CEP290: variants seen among roughly 807,000 people sequenced by gnomAD.
CEP290 encodes centrosomal protein of 290 kDa.
Under a neutral mutation model 344.9 loss-of-function variants are expected in CEP290, and 317 were observed. That is an observed-to-expected ratio of 0.92 (90% CI 0.84 to 1.01). The LOEUF (loss-of-function observed/expected upper bound fraction) is 1.01, where lower values mean the gene tolerates loss of function less well. Among genes scored for constraint, CEP290 ranks in the 50% least tolerant of loss-of-function variants. The probability of loss-of-function intolerance (pLI) is 0.00; values close to 1 mark genes in which losing one functional copy is unlikely to be tolerated. For synonymous variants in CEP290, 932 were observed against 895.8 expected (o/e 1.04, Z -0.72); for missense variants, 2,754 against 2,761.4 (o/e 1.00, Z 0.06).
Position 88,089,619 on chromosome 12 carries a change from C to T in CEP290, c.3574-132G>A, listed in dbSNP as rs918744866. On this transcript the variant is annotated intron_variant, in intron 30 of 53. Coordinates refer to ENST00000552810, the MANE Select transcript of CEP290 (RefSeq NM_025114.4). ...GCACATGAGATCTACAAAAATGTAA[C>T]TTTGCTTTAATACAAATAATTACCA... is the stretch of plus-strand genomic sequence containing the variant. 2.5e-4 allele frequency: 142 copies of T among 577,952 alleles called. 1 individual carries two copies. The East Asian group carries it at 4.3e-3, about 18-fold the overall frequency. The allele number at this position is 577,952 out of a possible 1,614,324, so 35.8% of individuals were successfully genotyped here. A position where few individuals can be genotyped will look rare whatever the true frequency, so the allele number is the denominator to read the frequency against.
chr12:88,129,717 CTTTT>C lies in CEP290; in HGVS notation c.825_828del (p.Glu277ThrfsTer15). On this transcript the variant is annotated frameshift_variant, in exon 10 of 54. Transcript: ENST00000552810. LOFTEE classifies it high-confidence loss of function. ...ACTTGAAGTTGATAATGATCGTTTT[CTTTT>C]TTTAACTGATCTATTACATTATCTG... 6.9e-7 allele frequency: 1 copy of C among 1,449,252 alleles called. No individual in the cohort carries two copies. Among genetic ancestry groups the C allele is most frequent in the African/African-American group, 1.5e-5 (1 of 68,126 alleles). The allele number at this position is 1,449,252 out of a possible 1,614,324, so 89.8% of individuals were successfully genotyped here. A position where few individuals can be genotyped will look rare whatever the true frequency, so the allele number is the denominator to read the frequency against.
intron 18 of CEP290, chr12:88,116,046 C>T: frequency 1.0e-6 from 1 of 985,298 alleles, no homozygotes; most frequent in Non-Finnish European, 1.2e-6. Context: ...AATTTGTTGA[C>T]AAAATATTGC....
chr12:88,088,212 GA>G (rs1480967959), intron 31 of CEP290, among the ~76,000 whole-genome samples: 1 of 152,018 alleles, frequency 6.6e-6, no homozygotes, highest in African/African-American at 2.4e-5. Flanking sequence ...TACGTTTATT[GA>G]ACACTGACTA....
intron 12 of CEP290, 70 bp from the exon 13 acceptor site, chr12:88,125,439 C>A: frequency 2.5e-6 from 2 of 794,158 alleles, no homozygotes; most frequent in Non-Finnish European, 3.4e-6. Context: ...GAAAAAAGTA[C>A]GTCTGATTTT....
intron 22 of CEP290, 21 bp from the exon 23 acceptor site, chr12:88,109,202 A>C (rs752878348): frequency 2.6e-6 from 2 of 780,144 alleles, no homozygotes; most frequent in East Asian, 6.1e-5. Flanking sequence ...GTTTAGAAAT[A>C]AGAATGCAAA....
At position 88,129,035 on chromosome 12, in the gene CEP290, C is replaced by A; in HGVS notation, c.853G>T (p.Val285Leu). 1.4e-6 allele frequency: 2 copies of A among 1,403,546 alleles called. No individual in the cohort carries two copies. The highest frequency in any genetic ancestry group is 9.2e-7 in the Non-Finnish European group (1 of 1,084,200). The allele number at this position is 1,403,546 out of a possible 1,614,324, so 86.9% of individuals were successfully genotyped here. A position where few individuals can be genotyped will look rare whatever the true frequency, so the allele number is the denominator to read the frequency against. ...TTCAGAAGATCTGTAAGCTCCTGCACCTAAAAGACAAAGTTATTTCAAGAG... is the reference window on the plus strand; with the variant it reads ...TTCAGAAGATCTGTAAGCTCCTGCAACTAAAAGACAAAGTTATTTCAAGAG... ...KKENDHYQLQ[V>L]QELTDLLKSK... Residue 285 changes from valine (V) to leucine (L), a missense_variant and splice_region_variant, in exon 11 of 54, where the codon GTG becomes TTG. Coordinates refer to ENST00000552810, the MANE Select transcript of CEP290 (RefSeq NM_025114.4).
rs2037143477 is a variant in CEP290 at position 88,092,725 on chromosome 12, T to C, written c.3417A>G (p.Leu1139=). ...GTTCCATTTCATTCTTCTCTAATTC[T>C]AGAATCCGTTGCCTATCAGCATCAC... is the stretch of plus-strand genomic sequence containing the variant. ...AVSDADRQRI[L]ELEKNEMELK... is the part of the protein sequence containing the mutation. The change falls in exon 29 of 54, where the codon CTA becomes CTG. Residue 1139 remains leucine (L), a synonymous_variant. Transcript: ENST00000552810. The C allele has an allele frequency of 6.2e-7, 1 of 1,610,790 alleles. No homozygotes were observed. The highest frequency in any genetic ancestry group is 1.7e-5 in the Admixed American group (1 of 59,502).
At chr12:88,052,355 G>A (rs1592715795) in intron 52 of CEP290, among the ~76,000 whole-genome samples, 1 of 152,068 alleles carries the variant, frequency 6.6e-6, no homozygotes, top group South Asian at 2.1e-4. Flanking sequence ...TAAATGGTTC[G>A]ATGTGCTTAT....
chr12:88,067,921 G>A (rs2136899548), intron 44 of CEP290, among the ~76,000 whole-genome samples: 1 of 152,152 alleles, frequency 6.6e-6, no homozygotes, highest in East Asian at 1.9e-4. Flanking sequence ...TTTTAATTCT[G>A]ACTGTTGCCA....
chr12:88,119,842 A>G (rs948142625), intron 15 of CEP290, among the ~76,000 whole-genome samples: 2 of 152,088 alleles, frequency 1.3e-5, no homozygotes, highest in African/African-American at 4.8e-5. Flanking sequence ...GTATTAATAA[A>G]CTTTCATCTT....
At chr12:88,140,070 G>C (rs1292140206) in intron 3 of CEP290, among the ~76,000 whole-genome samples, 4 of 152,056 alleles carry the variant, frequency 2.6e-5, no homozygotes, top group Non-Finnish European at 5.9e-5. Flanking sequence ...TCTTACTTAA[G>C]ACTACAATTT....
At position 88,087,920 on chromosome 12, in the gene CEP290, C is replaced by G. The variant is rs2036719437; in HGVS notation, c.4054G>C (p.Glu1352Gln). Reference protein sequence around the residue: ...QKVINWHMKIEELRLQELKLN... With the variant: ...QKVINWHMKIQELRLQELKLN... ...TTAAGTTCTTGAAGACGAAGTTCTT[C>G]TATTTTCATATGCCAGTTGATTACC... The change falls in exon 32 of 54, where the codon GAA becomes CAA. Residue 1352 changes from glutamate to glutamine, a missense_variant. Transcript: ENST00000552810. The G allele has an allele frequency of 8.4e-7, 1 of 1,191,364 alleles. No homozygotes were observed. Among genetic ancestry groups the G allele is most frequent in the East Asian group, 3.1e-5 (1 of 32,206 alleles). 73.8% of individuals were successfully genotyped at this position (1,191,364 alleles called of 1,614,324 possible). A position where few individuals can be genotyped will look rare whatever the true frequency, so the allele number is the denominator to read the frequency against.
intron 6 of CEP290, 61 bp from the exon 7 acceptor site, chr12:88,131,279 T>C: frequency 7.5e-7 from 1 of 1,330,362 alleles, no homozygotes; most frequent in Non-Finnish European, 1.0e-6. Context: ...TAATTTTTTT[T>C]TTTTTTGAGA....
At chr12:88,140,849 G>T in intron 3 of CEP290, 107 bp downstream of exon 3, 1 of 661,898 alleles carries the variant, frequency 1.5e-6, no homozygotes, top group East Asian at 3.1e-5. Flanking sequence ...TTTTAGTGGT[G>T]ATGTAGATAT....
chr12:88,094,648 A>C (rs2137381389), intron 27 of CEP290, among the ~76,000 whole-genome samples: 1 of 144,170 alleles, frequency 6.9e-6, no homozygotes, highest in Admixed American at 7.3e-5. Context: ...GGCATCGCAT[A>C]GGAGTGTCAT....
intron 27 of CEP290, among the ~76,000 whole-genome samples, chr12:88,094,968 T>C (rs1352034244): frequency 2.0e-5 from 3 of 152,188 alleles, no homozygotes; most frequent in African/African-American, 7.2e-5. Context: ...TACTTCATTA[T>C]GTTCTGTATT....
intron 8 of CEP290, 21 bp from the exon 9 acceptor site, chr12:88,130,441 C>T (rs369590617): frequency 1.6e-4 from 264 of 1,600,596 alleles, no homozygotes; most frequent in Middle Eastern, 1.0e-3. Flanking sequence ...CCAAACACAA[C>T]ATTCAATTAC....
In CEP290 at chr12:88,139,187, A is replaced by T. The variant is rs1490527042; in HGVS notation, c.255T>A (p.Asn85Lys). Residue 85 changes from asparagine (N) to lysine (K), a missense_variant, in exon 5 of 54, where the codon AAT becomes AAA. By Grantham distance (94) the Asn-to-Lys change is moderately conservative. Transcript: ENST00000552810. ...GTTTCATTACTTTAGTTTTTAATTGATTTTCTATTTTTTTAAAAAAAAAGA... is the reference window on the plus strand; with the variant it reads ...GTTTCATTACTTTAGTTTTTAATTGTTTTTCTATTTTTTTAAAAAAAAAGA... ...KAGEEQAKFE[N>K]QLKTKVMKLE... 3 of 1,136,566 alleles carry T rather than the reference A, an allele frequency of 2.6e-6. No homozygotes were observed. The highest frequency in any genetic ancestry group is 2.1e-4 in the Middle Eastern group (1 of 4,874). 70.4% of individuals were successfully genotyped at this position (1,136,566 alleles called of 1,614,324 possible).
rs763226787 is a variant in CEP290, at chr12:88,141,204, A to C, written c.102+2T>G. 1 of 1,601,220 alleles carries C rather than the reference A, an allele frequency of 6.2e-7. No individual in the cohort carries two copies. The highest frequency in any genetic ancestry group is 1.7e-5 in the Admixed American group (1 of 58,476). On this transcript the variant is annotated splice_donor_variant, in intron 2 of 53. Coordinates refer to ENST00000552810, the MANE Select transcript of CEP290 (RefSeq NM_025114.4). LOFTEE classifies it high-confidence loss of function. The stretch of plus-strand genomic sequence containing the variant: ...ATCTATTATTATTGACCAATTAAGC[A>C]CCTTGGATAAGGAAATCAATAAATT...
Sources: allele counts gnomAD v4.1 joint callset (sites outside exome capture counted in the v4.1 genomes callset), GRCh38; gene constraint gnomAD v4.1.1; transcripts MANE v1.5; gene names NCBI Gene and HGNC (gene_info 2026-07-23, HGNC 2026-07-21).